The following PCDH9 variants were observed in gnomAD, a reference collection of about 807,000 sequenced individuals.
PCDH9 encodes the protein protocadherin 9, also known as protocadherin-9.
In PCDH9, 24 loss-of-function variants were observed where a neutral mutation model predicts 70.6. That is an observed-to-expected ratio of 0.34 (90% CI 0.25 to 0.48). The LOEUF (loss-of-function observed/expected upper bound fraction) is 0.48, where lower values mean the gene tolerates loss of function less well. Among genes scored for constraint, PCDH9 ranks in the 20% least tolerant of loss-of-function variants. The pLI is 0.99. For missense variants in PCDH9, 1,281 were observed against 1,503.6 expected (o/e 0.85, Z 2.45); for synonymous variants, 562 against 558.5 (o/e 1.01, Z -0.09).
intron 4 of PCDH9, among the ~76,000 whole-genome samples, chr13:66,459,081 A>T (rs1390887052): frequency 6.6e-6 from 1 of 152,002 alleles, no homozygotes; most frequent in African/African-American, 2.4e-5. Flanking sequence ...CTTAAAAATA[A>T]GAACGTGTTC....
intron 4 of PCDH9, among the ~76,000 whole-genome samples, chr13:66,386,452 G>C (rs190821997): frequency 1.2e-4 from 19 of 152,220 alleles, no homozygotes; most frequent in Admixed American, 1.2e-3. Context: ...TTAAGTTTAG[G>C]TGGATGAATG....
rs752986965 is a variant in PCDH9 at position 66,647,612 on chromosome 13, G to A, written c.3139-16201C>T. On this transcript the variant is annotated intron_variant, in intron 3 of 4. Transcript: ENST00000377865. ...AGATGTGTTGGCTTCAGCTGTGACC[G>A]AGAACATTCCCAGCTGTGGTGGCTA... Among the ~76,000 whole-genome samples the A allele has an allele frequency of 1.4e-3, 212 of 152,070 alleles. 1 individual carries two copies. Among genetic ancestry groups the A allele is most frequent in the Non-Finnish European group, 2.1e-3 (145 of 68,018 alleles).
At chr13:67,193,835 A>G (rs950367299) in intron 2 of PCDH9, among the ~76,000 whole-genome samples, 9 of 152,166 alleles carry the variant, frequency 5.9e-5, no homozygotes, top group African/African-American at 1.7e-4. Flanking sequence ...AATTCTGTCC[A>G]TATTTCTATG....
chr13:66,310,293 T>C (rs1294653748), intron 4 of PCDH9, among the ~76,000 whole-genome samples: 2 of 152,068 alleles, frequency 1.3e-5, no homozygotes, highest in South Asian at 2.1e-4. Flanking sequence ...CATCTTCTCG[T>C]TAAACACCAA....
At chr13:66,452,848 T>C (rs1320459178) in intron 4 of PCDH9, among the ~76,000 whole-genome samples, 1 of 152,164 alleles carries the variant, frequency 6.6e-6, no homozygotes, top group Admixed American at 6.5e-5. Context: ...GACATTACCC[T>C]GAGGATTATT....
At chr13:66,781,696 A>G (rs1046013691) in intron 3 of PCDH9, among the ~76,000 whole-genome samples, 1 of 152,190 alleles carries the variant, frequency 6.6e-6, no homozygotes, top group African/African-American at 2.4e-5. Flanking sequence ...GAAAAAACAT[A>G]TAAATTCATG....
At chr13:66,490,203 A>G (rs1175950481) in intron 4 of PCDH9, among the ~76,000 whole-genome samples, 1 of 152,228 alleles carries the variant, frequency 6.6e-6, no homozygotes, top group African/African-American at 2.4e-5. Context: ...ATCTAGGGTC[A>G]TAATTAGAGA....
At chr13:67,046,749 T>C (rs1232239168) in intron 2 of PCDH9, among the ~76,000 whole-genome samples, 2 of 151,746 alleles carry the variant, frequency 1.3e-5, no homozygotes, top group Non-Finnish European at 2.9e-5. Context: ...TTAACAACAA[T>C]AGAAAAAACA....
chr13:66,713,035 G>A (rs763795073), intron 3 of PCDH9, among the ~76,000 whole-genome samples: 2 of 152,096 alleles, frequency 1.3e-5, no homozygotes, highest in African/African-American at 4.8e-5. Context: ...TCCAGTGAAC[G>A]TGTTAGTTAT....
chr13:66,481,302 A>AC (rs1958832248), intron 4 of PCDH9, among the ~76,000 whole-genome samples: 1 of 62,668 alleles, frequency 1.6e-5, no homozygotes, highest in Non-Finnish European at 3.4e-5. Flanking sequence ...TTAAAGTATT[A>AC]AAAAAAAAAA....
chr13:66,522,083 T>C (rs1303113207), intron 4 of PCDH9, among the ~76,000 whole-genome samples: 1 of 149,030 alleles, frequency 6.7e-6, no homozygotes, highest in African/African-American at 2.4e-5. Context: ...TATATATACA[T>C]ATATTACATA....
At chr13:66,798,817 G>T (rs1041417355) in intron 3 of PCDH9, among the ~76,000 whole-genome samples, 3 of 150,574 alleles carry the variant, frequency 2.0e-5, no homozygotes, top group African/African-American at 7.3e-5. Context: ...CCTGTTCCTC[G>T]TTTTTTTTTT....
At chr13:66,360,521 G>T (rs1240533228) in intron 4 of PCDH9, among the ~76,000 whole-genome samples, 1 of 152,066 alleles carries the variant, frequency 6.6e-6, no homozygotes. Flanking sequence ...TTAATTAAAG[G>T]AGACATGAAA....
intron 2 of PCDH9, among the ~76,000 whole-genome samples, chr13:67,200,525 T>C (rs1225237368): frequency 1.3e-5 from 2 of 152,208 alleles, no homozygotes; most frequent in Middle Eastern, 3.4e-3. Context: ...TATATTTATA[T>C]TGACTATATT....
intron 3 of PCDH9, among the ~76,000 whole-genome samples, chr13:66,870,008 C>A (rs951123978): frequency 6.6e-6 from 1 of 152,066 alleles, no homozygotes; most frequent in African/African-American, 2.4e-5. Context: ...ATCCCTATGT[C>A]CTGAATGGTA....
chr13:67,007,379 A>C (rs2084373584), intron 2 of PCDH9, among the ~76,000 whole-genome samples: 1 of 152,196 alleles, frequency 6.6e-6, no homozygotes, highest in African/African-American at 2.4e-5. Context: ...TTTATGTATG[A>C]GTATAAGACT....
intron 3 of PCDH9, among the ~76,000 whole-genome samples, chr13:66,777,555 G>C (rs1371106385): frequency 1.3e-5 from 2 of 152,142 alleles, no homozygotes; most frequent in Admixed American, 1.3e-4. Context: ...GGCCATCAGA[G>C]AAATGCAAAT....
In PCDH9 at chr13:66,350,736, A is replaced by T. The variant is rs77898260; in HGVS notation, c.3341-45708T>A. On this transcript the variant is annotated intron_variant, in intron 4 of 4. Transcript: ENST00000377865. Reference sequence around the variant, plus strand: ...CTTCCACTCCTAGCACCCTTGTCCAAGTAGCTATCATTTCCTGTTTGGATT... The same window carrying T: ...CTTCCACTCCTAGCACCCTTGTCCATGTAGCTATCATTTCCTGTTTGGATT... Among the ~76,000 whole-genome samples, 576 of 152,268 alleles carry T rather than the reference A, an allele frequency of 3.8e-3. 1 individual carries two copies. The highest frequency in any genetic ancestry group is 0.013 in the African/African-American group (544 of 41,542).
At chr13:66,586,637 T>G (rs770247954) in intron 4 of PCDH9, among the ~76,000 whole-genome samples, 12 of 152,104 alleles carry the variant, frequency 7.9e-5, no homozygotes, top group Non-Finnish European at 1.5e-4. Context: ...TGTTAACACA[T>G]AATTGGCCCG....
Sources: gnomAD v4.1 joint callset for allele counts (sites outside exome capture counted in the v4.1 genomes callset) on GRCh38, gnomAD v4.1.1 for gene constraint, MANE v1.5 for transcripts, NCBI Gene and HGNC (gene_info 2026-07-23, HGNC 2026-07-21) for gene names.